Variants in ADCY1 observed in about 807,000 individuals in gnomAD.
ADCY1 encodes adenylate cyclase 1, also known as adenylate cyclase type 1.
Under a neutral mutation model 105.4 loss-of-function variants are expected in ADCY1, and 28 were observed. That is an observed-to-expected ratio of 0.27 (90% CI 0.20 to 0.36). The LOEUF (loss-of-function observed/expected upper bound fraction) is 0.36, where lower values mean the gene tolerates loss of function less well. Among genes scored for constraint, ADCY1 ranks in the 10% least tolerant of loss-of-function variants. ADCY1 has a pLI of 1.00. For synonymous variants in ADCY1, 655 were observed against 623.8 expected (o/e 1.05, Z -0.75); for missense variants, 977 against 1,434.2 (o/e 0.68, Z 5.15).
At chr7:45,614,452 A>G (rs1793680761) in intron 3 of ADCY1, among the ~76,000 whole-genome samples, 1 of 152,214 alleles carries the variant, frequency 6.6e-6, no homozygotes, top group Non-Finnish European at 1.5e-5. Context: ...AACATAACAC[A>G]AAGGAATGCA....
At chr7:45,602,299 C>T (rs1286421540) in intron 2 of ADCY1, among the ~76,000 whole-genome samples, 1 of 151,932 alleles carries the variant, frequency 6.6e-6, no homozygotes, top group South Asian at 2.1e-4. Context: ...GAAGTCTGTG[C>T]CTGTCGCAGC....
chr7:45,629,458 G>GTAAATACCTA (rs1323840204), intron 4 of ADCY1, among the ~76,000 whole-genome samples: 134 of 151,672 alleles, frequency 8.8e-4, no homozygotes, highest in African/African-American at 3.0e-3. Flanking sequence ...GTTCTCTTGG[G>GTAAATACCTA]TAAATACCTA....
chr7:45,695,972 A>G (rs1255962783), intron 14 of ADCY1, among the ~76,000 whole-genome samples: 1 of 152,190 alleles, frequency 6.6e-6, no homozygotes, highest in Admixed American at 6.5e-5. Context: ...CCCTGGTTCG[A>G]AAAGATAGAG....
rs567510433 is a variant in ADCY1 at position 45,668,510 on chromosome 7, G to A, written c.1605+6296G>A. Among the ~76,000 whole-genome samples the A allele has an allele frequency of 2.6e-3, 394 of 152,306 alleles. 2 individuals are homozygous for A. Among genetic ancestry groups the A allele is most frequent in the African/African-American group, 8.8e-3 (367 of 41,554 alleles). On this transcript the variant is annotated intron_variant, in intron 8 of 19. Transcript: ENST00000297323. The stretch of plus-strand genomic sequence containing the variant: ...GATCATGGTGGATAAGCTTTTTGAT[G>A]TGCTGCTGGATTCGGTTTGCCAGTA...
rs34522967 is a variant in ADCY1 at position 45,697,386 on chromosome 7, C to CTTTT, written c.2455-5972_2455-5969dup. ...CACTGTTAGCACGAGCTCTCTTTAC[C>CTTTT]TTTTTTTTTTTTTTTTTTTTTGAGG... On this transcript the variant is annotated intron_variant, in intron 14 of 19. Transcript: ENST00000297323. 6.5e-5 allele frequency among the ~76,000 whole-genome samples: 7 copies of CTTTT among 108,272 alleles called. 1 individual carries two copies. The highest frequency in any genetic ancestry group is 1.1e-4 in the Admixed American group (1 of 8,782). 71.0% of individuals were successfully genotyped at this position (108,272 alleles called of 152,430 possible).
Position 45,714,622 on chromosome 7 carries a change from C to G in ADCY1, c.*627C>G, listed in dbSNP as rs933021700. 3.9e-5 allele frequency: 6 copies of G among 152,800 alleles called. No individual in the cohort carries two copies. Among genetic ancestry groups the G allele is most frequent in the African/African-American group, 1.2e-4 (5 of 41,468 alleles). 9.5% of individuals were successfully genotyped at this position (152,800 alleles called of 1,614,324 possible). A position where few individuals can be genotyped will look rare whatever the true frequency, so the allele number is the denominator to read the frequency against. Reference sequence around the variant, plus strand: ...TCTGGGGAGAATTGAGAAGCTGCCTCTCACTGCATGGATAGTGGTGGCTGC... The same window carrying G: ...TCTGGGGAGAATTGAGAAGCTGCCTGTCACTGCATGGATAGTGGTGGCTGC... On this transcript the variant is annotated 3_prime_UTR_variant, in exon 20 of 20. Transcript: ENST00000297323.
Position 45,634,696 on chromosome 7 carries a change from C to T in ADCY1, c.1020+11953C>T, listed in dbSNP as rs147455465. ...CATTCAATACAAAGTGCCTCCCTCT[C>T]GTGATGCTGGGAGGCAGCAGCAAAC... On this transcript the variant is annotated intron_variant, in intron 4 of 19. Coordinates refer to ENST00000297323, the MANE Select transcript of ADCY1 (RefSeq NM_021116.4). Among the ~76,000 whole-genome samples, 397 of 152,248 alleles carry T rather than the reference C, an allele frequency of 2.6e-3. 10 individuals carry two copies. In the East Asian group the frequency reaches 0.041, roughly 16 times the overall value.
In ADCY1 at chr7:45,662,135, T is replaced by G; in HGVS notation, c.1526T>G (p.Val509Gly). 6.2e-7 allele frequency: 1 copy of G among 1,614,102 alleles called. No individual in the cohort carries two copies. The change falls in exon 8 of 20, where the codon GTG becomes GGG. Residue 509 changes from valine (V) to glycine (G), a missense_variant. Val to Gly is a moderately radical substitution (Grantham distance 109). Around this residue, in one of 7 missense-constraint regions of ADCY1, gnomAD observed 66 missense variants for 127.2 expected, o/e 0.52. Transcript: ENST00000297323. ...TTCAAGACTGTCTGCTACCTGCTGG[T>G]GCAGCTCATGCACTGCCGGAAAATG... ...MKFKTVCYLL[V>G]QLMHCRKMFK...
chr7:45,603,687 G>A (rs1165821433), intron 2 of ADCY1, among the ~76,000 whole-genome samples: 1 of 152,078 alleles, frequency 6.6e-6, no homozygotes, highest in Admixed American at 6.5e-5. Context: ...CCTTTAAATA[G>A]CCACATCCAC....
chr7:45,713,562 A>C (rs1346324198), intron 19 of ADCY1, 131 bp from the exon 20 acceptor site: 1 of 630,126 alleles, frequency 1.6e-6, no homozygotes, highest in East Asian at 2.7e-5. Context: ...GAGCTGGGAA[A>C]GCCACATCCC....
intron 3 of ADCY1, among the ~76,000 whole-genome samples, chr7:45,617,841 A>G (rs554823538): frequency 3.9e-5 from 6 of 152,218 alleles, no homozygotes; most frequent in Non-Finnish European, 8.8e-5. Flanking sequence ...ATCTCTATCA[A>G]AGTATCAGTG....
At chr7:45,660,705 A>AGTGAGGTGTTCAGGGGACAG in intron 7 of ADCY1, among the ~76,000 whole-genome samples, 1 of 145,428 alleles carries the variant, frequency 6.9e-6, no homozygotes, top group East Asian at 2.1e-4. Context: ...TTCAGGCTCA[A>AGTGAGGTGTTCAGGGGACAG]GTGAGGTGTT....
rs1185353309 is a variant in ADCY1, at chr7:45,704,686, T to G, written c.2817+70T>G. On this transcript the variant is annotated intron_variant, in intron 17 of 19. Transcript: ENST00000297323. ...TCTGCCCTAAACTGCTCTGGGACCC[T>G]GGGTAGCTTCCACACTGGGGTTTGT... 7 of 1,276,016 alleles carry G rather than the reference T, an allele frequency of 5.5e-6. No homozygotes were observed. In the African/African-American group the frequency reaches 1.0e-4, roughly 19 times the overall value. 79.0% of individuals were successfully genotyped at this position (1,276,016 alleles called of 1,614,324 possible). A position where few individuals can be genotyped will look rare whatever the true frequency, so the allele number is the denominator to read the frequency against.
intron 6 of ADCY1, among the ~76,000 whole-genome samples, chr7:45,658,553 A>G (rs1359596124): frequency 7.2e-5 from 11 of 152,234 alleles, no homozygotes; most frequent in Non-Finnish European, 1.6e-4. Flanking sequence ...CAACTTTTGC[A>G]GAACACTGGC....
At position 45,679,728 on chromosome 7, in the gene ADCY1, C is replaced by A; in HGVS notation, c.1918C>A (p.Leu640Met). The change falls in exon 11 of 20, where the codon CTG becomes ATG. Residue 640 changes from leucine to methionine, a missense_variant. By Grantham distance (15) the Leu-to-Met change is conservative (BLOSUM62 2). Transcript: ENST00000297323. ...IFPQSVVVLL[L>M]LVFCICFLVA... is the part of the protein sequence containing the mutation. ...CCCCAGGAGTGTGGTCGTCCTGCTC[C>A]TGCTAGTATTCTGCATCTGCTTCCT... 6.2e-7 allele frequency: 1 copy of A among 1,614,240 alleles called. No homozygotes were observed. Among genetic ancestry groups the A allele is most frequent in the Non-Finnish European group, 8.5e-7 (1 of 1,180,046 alleles).
chr7:45,601,436 C>T (rs1184936899), intron 2 of ADCY1, among the ~76,000 whole-genome samples: 2 of 152,196 alleles, frequency 1.3e-5, no homozygotes, highest in African/African-American at 2.4e-5. Context: ...GAGCGCACTG[C>T]ACCCTTAGCC....
intron 8 of ADCY1, among the ~76,000 whole-genome samples, chr7:45,669,797 T>C (rs1275759427): frequency 6.6e-6 from 1 of 152,242 alleles, no homozygotes; most frequent in East Asian, 1.9e-4. Context: ...TTTTTGAAAC[T>C]GATTGCCATA....
intron 4 of ADCY1, among the ~76,000 whole-genome samples, chr7:45,638,718 G>A (rs976135463): frequency 7.9e-5 from 12 of 151,570 alleles, no homozygotes; most frequent in African/African-American, 2.9e-4. Flanking sequence ...ATGTGCTCAC[G>A]TTGTGTCTGG....
In ADCY1 at chr7:45,714,119, A is replaced by G; in HGVS notation, c.*124A>G. The G allele has an allele frequency of 1.6e-6, 1 of 611,758 alleles. No individual in the cohort carries two copies. The highest frequency in any genetic ancestry group is 2.9e-6 in the Non-Finnish European group (1 of 342,666). 37.9% of individuals were successfully genotyped at this position (611,758 alleles called of 1,614,324 possible). On this transcript the variant is annotated 3_prime_UTR_variant, in exon 20 of 20. Transcript: ENST00000297323. ...AGCAGGGAGCCACTTGCCAGGGTGG[A>G]GGAGGAGCATTGTCCAGGCATGGCC...
Sources: allele counts gnomAD v4.1 joint callset (sites outside exome capture counted in the v4.1 genomes callset), GRCh38; gene constraint gnomAD v4.1.1; regional missense constraint gnomAD v4.1.1; transcripts MANE v1.5; gene names NCBI Gene and HGNC (gene_info 2026-07-23, HGNC 2026-07-21).